FSTL4: variants seen among roughly 807,000 people sequenced by gnomAD.
FSTL4 encodes the protein follistatin like 4.
In FSTL4, 28 loss-of-function variants were observed where a neutral mutation model predicts 78.2. The ratio of observed to expected loss-of-function variants is 0.36; its 90% confidence interval spans 0.27 to 0.49. The LOEUF (loss-of-function observed/expected upper bound fraction) is 0.49, where lower values mean the gene tolerates loss of function less well. Among genes scored for constraint, FSTL4 ranks in the 20% least tolerant of loss-of-function variants. The probability of loss-of-function intolerance (pLI) is 0.98; values close to 1 mark genes in which losing one functional copy is unlikely to be tolerated. For synonymous variants in FSTL4, 422 were observed against 440.5 expected (o/e 0.96, Z 0.53); for missense variants, 922 against 1,084.9 (o/e 0.85, Z 2.11).
rs7737374 is a variant in FSTL4, at chr5:133,395,561, C to G, written c.409+5177G>C. On this transcript the variant is annotated intron_variant, in intron 4 of 15. Transcript: ENST00000265342. ...GAACCCACCAATTCTGGACACAACA[C>G]TGGTCAGCTTGAGTTCAGACTTCCC... Among the ~76,000 whole-genome samples the G allele has an allele frequency of 5.5e-3, 842 of 152,358 alleles. 10 individuals carry two copies. The highest frequency in any genetic ancestry group is 0.017 in the African/African-American group (698 of 41,578).
In FSTL4 at chr5:133,599,963, T is replaced by C. The variant is rs184967209; in HGVS notation, c.126+3895A>G. Among the ~76,000 whole-genome samples the C allele has an allele frequency of 2.0e-5, 3 of 152,330 alleles. No homozygotes were observed. In the East Asian group the frequency reaches 5.8e-4, roughly 29 times the overall value. On this transcript the variant is annotated intron_variant, in intron 2 of 15. Transcript: ENST00000265342. The stretch of plus-strand genomic sequence containing the variant: ...TGCTACCATATCACTTCTCACCCCT[T>C]CCTGGTTCCTTGGTTCCCCCTCAAA...
At chr5:133,840,652 A>G in the FSTL4 span, among the ~76,000 whole-genome samples, 1 of 152,194 alleles carries the variant, frequency 6.6e-6, no homozygotes, top group African/African-American at 2.4e-5. Context: ...GTCAACCTTT[A>G]TTTTACCAAC....
the FSTL4 span, among the ~76,000 whole-genome samples, chr5:133,832,821 A>C: frequency 6.6e-6 from 1 of 152,226 alleles, no homozygotes; most frequent in African/African-American, 2.4e-5. Flanking sequence ...GGCCACTGTC[A>C]CCAACTATCC....
intron 3 of FSTL4, among the ~76,000 whole-genome samples, chr5:133,557,794 G>A (rs1345366557): frequency 6.6e-6 from 1 of 152,174 alleles, no homozygotes; most frequent in Admixed American, 6.5e-5. Flanking sequence ...ACCCTCACTG[G>A]ACTATCCAAT....
chr5:133,490,523 AACTTTTCCTC>A (rs1236489085), intron 3 of FSTL4, among the ~76,000 whole-genome samples: 1 of 152,182 alleles, frequency 6.6e-6, no homozygotes, highest in Non-Finnish European at 1.5e-5. Context: ...TGAAGGCTAT[AACTTTTCCTC>A]CAAGTATTGC....
the FSTL4 span, among the ~76,000 whole-genome samples, chr5:133,704,931 G>A: frequency 6.6e-6 from 1 of 152,252 alleles, no homozygotes; most frequent in East Asian, 1.9e-4. Context: ...GCATTTGCCT[G>A]TTCCCTGGGA....
intron 3 of FSTL4, among the ~76,000 whole-genome samples, chr5:133,513,975 G>A (rs988598913): frequency 5.9e-5 from 9 of 152,008 alleles, no homozygotes; most frequent in African/African-American, 1.9e-4. Context: ...TCAGGAGATC[G>A]AGACCATCCT....
chr5:133,436,143 C>T (rs1757027637), intron 3 of FSTL4, among the ~76,000 whole-genome samples: 1 of 152,076 alleles, frequency 6.6e-6, no homozygotes, highest in Admixed American at 6.5e-5. Context: ...CAGACATCAG[C>T]CAATAGTTTC....
intron 4 of FSTL4, among the ~76,000 whole-genome samples, chr5:133,323,208 A>C (rs1396341780): frequency 6.6e-6 from 1 of 152,138 alleles, no homozygotes; most frequent in East Asian, 1.9e-4. Context: ...AGACCACCTG[A>C]CTTCAGCTGT....
At chr5:133,801,136 T>C in the FSTL4 span, among the ~76,000 whole-genome samples, 1 of 152,154 alleles carries the variant, frequency 6.6e-6, no homozygotes, top group Non-Finnish European at 1.5e-5. Flanking sequence ...CAGATATTTC[T>C]GTTCCTCGGG....
At chr5:133,204,401 T>C (rs1356877922) in intron 14 of FSTL4, among the ~76,000 whole-genome samples, 1 of 152,224 alleles carries the variant, frequency 6.6e-6, no homozygotes, top group African/African-American at 2.4e-5. Context: ...TTTTAATCTC[T>C]TGCAAATACA....
intron 4 of FSTL4, among the ~76,000 whole-genome samples, chr5:133,352,369 T>TACAC (rs1462882231): frequency 4.1e-5 from 6 of 147,096 alleles, no homozygotes; most frequent in African/African-American, 1.5e-4. Context: ...CACATATATA[T>TACAC]ACACATATAT....
At chr5:133,251,248 C>A (rs1344998511) in intron 6 of FSTL4, among the ~76,000 whole-genome samples, 6 of 152,274 alleles carry the variant, frequency 3.9e-5, no homozygotes, top group African/African-American at 1.4e-4. Flanking sequence ...CCGTACTCTG[C>A]GGGTCTGTAG....
At chr5:133,443,824 C>T (rs1391099819) in intron 3 of FSTL4, among the ~76,000 whole-genome samples, 1 of 152,236 alleles carries the variant, frequency 6.6e-6, no homozygotes, top group African/African-American at 2.4e-5. Flanking sequence ...AAACCCACTA[C>T]CCCATATGGG....
chr5:133,260,518 G>A (rs754331706), intron 6 of FSTL4, among the ~76,000 whole-genome samples: 7 of 152,320 alleles, frequency 4.6e-5, no homozygotes, highest in Middle Eastern at 3.4e-3. Context: ...CAGCTCTGCT[G>A]CTCCCAGGGA....
chr5:133,575,244 G>A (rs1327620730), intron 2 of FSTL4: 1 of 152,160 alleles, frequency 6.6e-6, no homozygotes, highest in Non-Finnish European at 1.5e-5. Context: ...AAACCTCTGA[G>A]GTCCTACCAC....
the FSTL4 span, among the ~76,000 whole-genome samples, chr5:133,696,210 C>A: frequency 6.6e-6 from 1 of 152,226 alleles, no homozygotes; most frequent in East Asian, 1.9e-4. Flanking sequence ...CCATATTGAC[C>A]TCCTCTCTCC....
chr5:133,461,566 C>T (rs1230283231), intron 3 of FSTL4, among the ~76,000 whole-genome samples: 1 of 152,074 alleles, frequency 6.6e-6, no homozygotes, highest in African/African-American at 2.4e-5. Context: ...AACAAACAAA[C>T]AAACCCTCCG....
At chr5:133,294,905 T>G (rs12187721) in intron 6 of FSTL4, among the ~76,000 whole-genome samples, 1 of 151,902 alleles carries the variant, frequency 6.6e-6, no homozygotes, top group East Asian at 1.9e-4. Flanking sequence ...TCCCTTACCC[T>G]CTCTTGACAA....
Sources: allele counts gnomAD v4.1 joint callset (sites outside exome capture counted in the v4.1 genomes callset), GRCh38; gene constraint gnomAD v4.1.1; transcripts MANE v1.5; gene names NCBI Gene and HGNC (gene_info 2026-07-23, HGNC 2026-07-21).